The following GSK3B variants were observed in gnomAD, a reference collection of about 807,000 sequenced individuals.
The protein encoded by GSK3B is glycogen synthase kinase-3 beta.
In GSK3B, 15 loss-of-function variants were observed where a neutral mutation model predicts 56.4. The observed-to-expected ratio is 0.27, with a 90% CI of 0.18 to 0.41. The LOEUF is 0.41. Among genes scored for constraint, GSK3B ranks in the 10% least tolerant of loss-of-function variants. The pLI is 1.00. For missense variants in GSK3B, 300 were observed against 513.4 expected, an observed-to-expected ratio of 0.58 and a Z score of 4.02; for synonymous variants, 181 against 188.9, an observed-to-expected ratio of 0.96 and a Z score of 0.34.
At chr3:120,011,083 A>G (rs1451356651) in intron 1 of GSK3B, among the ~76,000 whole-genome samples, 1 of 152,214 alleles carries the variant, frequency 6.6e-6, no homozygotes, top group Non-Finnish European at 1.5e-5. Context: ...CAGCAACACA[A>G]AAAGCCTACT....
At chr3:119,956,544 A>C (rs1348701567) in intron 2 of GSK3B, among the ~76,000 whole-genome samples, 1 of 152,226 alleles carries the variant, frequency 6.6e-6, no homozygotes, top group Non-Finnish European at 1.5e-5. Flanking sequence ...TGGTGCTCAA[A>C]AAGTTTTAAA....
intron 1 of GSK3B, among the ~76,000 whole-genome samples, chr3:120,039,801 T>C (rs770298642): frequency 1.4e-4 from 21 of 152,224 alleles, no homozygotes; most frequent in Admixed American, 1.3e-4. Context: ...CATTGCTCCA[T>C]CTGCAAGATA....
intron 7 of GSK3B, among the ~76,000 whole-genome samples, chr3:119,885,626 G>A (rs1033561771): frequency 1.2e-4 from 18 of 152,010 alleles, no homozygotes; most frequent in African/African-American, 3.4e-4. Context: ...CAAAGCCAGA[G>A]GCATCACATT....
intron 10 of GSK3B, among the ~76,000 whole-genome samples, chr3:119,828,763 GCTGCC>G (rs1416735528): frequency 6.6e-6 from 1 of 152,162 alleles, no homozygotes; most frequent in Non-Finnish European, 1.5e-5. Context: ...TTCCCGATAA[GCTGCC>G]CTTATATACA....
chr3:119,947,201 G>A, intron 3 of GSK3B, 67 bp downstream of exon 3: 1 of 929,078 alleles, frequency 1.1e-6, no homozygotes, highest in Non-Finnish European at 1.8e-6. Context: ...GAGCGGTGGG[G>A]AGATTAATTT....
chr3:120,093,689 A>G lies in GSK3B; in HGVS notation c.-255T>C, dbSNP rs2058534800. ...GATTTAGGACTTGGGAAAAAATACA[A>G]TTCTTTCCCCTCCCTTTCCTGGGAG... On this transcript the variant is annotated 5_prime_UTR_variant, in exon 1 of 11. Coordinates refer to ENST00000264235, the MANE Select transcript of GSK3B (RefSeq NM_001146156.2). 2.7e-6 allele frequency: 1 copy of G among 372,254 alleles called. No individual in the cohort carries two copies. Among genetic ancestry groups the G allele is most frequent in the African/African-American group, 2.0e-5 (1 of 48,800 alleles). 23.1% of individuals were successfully genotyped at this position (372,254 alleles called of 1,614,324 possible).
intron 2 of GSK3B, among the ~76,000 whole-genome samples, chr3:119,968,995 A>AG (rs1381758591): frequency 3.3e-5 from 5 of 152,222 alleles, no homozygotes; most frequent in African/African-American, 1.2e-4. Context: ...AATATGTACA[A>AG]GATCTATATC....
intron 1 of GSK3B, among the ~76,000 whole-genome samples, chr3:120,037,815 C>T (rs191085072): frequency 2.0e-5 from 3 of 152,150 alleles, no homozygotes. Flanking sequence ...ATTAAACTCC[C>T]TTATGTAAAT....
At chr3:119,927,761 C>A (rs2056902008) in intron 3 of GSK3B, among the ~76,000 whole-genome samples, 1 of 151,942 alleles carries the variant, frequency 6.6e-6, no homozygotes, top group South Asian at 2.1e-4. Flanking sequence ...GAAGACCACC[C>A]AGAGTTGGAG....
intron 3 of GSK3B, among the ~76,000 whole-genome samples, chr3:119,933,382 C>G (rs950144633): frequency 3.3e-5 from 5 of 151,904 alleles, no homozygotes; most frequent in Non-Finnish European, 7.4e-5. Context: ...AGACATAGAG[C>G]CCCCCCAAAT....
chr3:120,083,162 A>C (rs954361631), intron 1 of GSK3B, among the ~76,000 whole-genome samples: 1 of 152,204 alleles, frequency 6.6e-6, no homozygotes, highest in Admixed American at 6.5e-5. Context: ...AAAAACAATG[A>C]ACAACTTTTC....
chr3:120,028,794 C>A (rs1354299955), intron 1 of GSK3B: 1 of 451,954 alleles, frequency 2.2e-6, no homozygotes, highest in Non-Finnish European at 4.3e-6. Context: ...GGCGTGGTCT[C>A]CGCCAGTGGG....
intron 1 of GSK3B, among the ~76,000 whole-genome samples, chr3:120,021,518 A>C (rs553132883): frequency 6.8e-6 from 1 of 147,890 alleles, no homozygotes; most frequent in Non-Finnish European, 1.5e-5. Context: ...TCCATCTCCA[A>C]AAAAAAAAAA....
chr3:119,836,644 T>C (rs928252754), intron 10 of GSK3B, among the ~76,000 whole-genome samples: 2 of 152,132 alleles, frequency 1.3e-5, no homozygotes, highest in African/African-American at 2.4e-5. Context: ...CTTAAAACAA[T>C]GAAGCATTTT....
chr3:119,867,510 T>C (rs1486504630), intron 8 of GSK3B, among the ~76,000 whole-genome samples: 2 of 152,118 alleles, frequency 1.3e-5, no homozygotes, highest in Non-Finnish European at 2.9e-5. Flanking sequence ...TTAAACACAG[T>C]TCCATCTGCA....
intron 10 of GSK3B, among the ~76,000 whole-genome samples, chr3:119,838,173 G>T (rs938620502): frequency 6.6e-6 from 1 of 151,616 alleles, no homozygotes; most frequent in Non-Finnish European, 1.5e-5. Flanking sequence ...CCTGTAATCC[G>T]AGCTACTTGG....
At chr3:120,022,931 C>T (rs13090721) in intron 1 of GSK3B, among the ~76,000 whole-genome samples, 3 of 152,148 alleles carry the variant, frequency 2.0e-5, no homozygotes, top group Non-Finnish European at 4.4e-5. Context: ...CAGAGTGTCT[C>T]CCACAGTGCT....
At chr3:120,074,376 G>A (rs1259463696) in intron 1 of GSK3B, among the ~76,000 whole-genome samples, 3 of 141,680 alleles carry the variant, frequency 2.1e-5, no homozygotes, top group South Asian at 2.2e-4. Flanking sequence ...TTTTGAGACA[G>A]AGTTCCACTC....
In GSK3B at chr3:119,825,328, C is replaced by A. The variant is rs1439569128; in HGVS notation, c.*1460G>T. On this transcript the variant is annotated 3_prime_UTR_variant, in exon 11 of 11. Coordinates refer to ENST00000264235, the MANE Select transcript of GSK3B (RefSeq NM_001146156.2). ...ATAGTCCTTCAATTCTCCTTGCTTT[C>A]CAAGGAATATTGCTTTTTCTTCAAA... The A allele has an allele frequency of 4.3e-6, 1 of 229,896 alleles. No individual in the cohort carries two copies. The highest frequency in any genetic ancestry group is 5.7e-5 in the Admixed American group (1 of 17,676). The allele number at this position is 229,896 out of a possible 1,614,324, so 14.2% of individuals were successfully genotyped here. A position where few individuals can be genotyped will look rare whatever the true frequency, so the allele number is the denominator to read the frequency against.
Sources: gnomAD v4.1 joint callset for allele counts (sites outside exome capture counted in the v4.1 genomes callset) on GRCh38, gnomAD v4.1.1 for gene constraint, MANE v1.5 for transcripts, NCBI Gene and HGNC (gene_info 2026-07-23, HGNC 2026-07-21) for gene names.